MPRIP: variants seen among roughly 807,000 people sequenced by gnomAD.
MPRIP encodes myosin phosphatase Rho-interacting protein.
MPRIP carries 59 observed loss-of-function variants against 234.9 expected under a neutral mutation model. That is an observed-to-expected ratio of 0.25 (90% CI 0.20 to 0.31). MPRIP has a LOEUF of 0.31. MPRIP is among the 10% of genes least tolerant of loss of function. The pLI is 1.00. For missense variants in MPRIP, 2,436 were observed against 3,071.0 expected, an observed-to-expected ratio of 0.79 and a Z score of 4.89; for synonymous variants, 1,144 against 1,263.9, an observed-to-expected ratio of 0.91 and a Z score of 2.01.
intron 3 of MPRIP, among the ~76,000 whole-genome samples, chr17:17,114,195 A>G (rs1597827112): frequency 6.6e-6 from 1 of 152,274 alleles, no homozygotes; most frequent in East Asian, 1.9e-4. Context: ...TAATGACGTC[A>G]GGCACCTTTT....
chr17:17,102,346 C>G (rs2089979326), intron 3 of MPRIP, among the ~76,000 whole-genome samples: 1 of 152,228 alleles, frequency 6.6e-6, no homozygotes, highest in Non-Finnish European at 1.5e-5. Context: ...CTATGTTGTG[C>G]CAGGCATTGT....
rs1396745560 is a variant in MPRIP at position 17,062,978 on chromosome 17, C to G, written c.124-12732C>G. 2.0e-5 allele frequency among the ~76,000 whole-genome samples: 3 copies of G among 152,224 alleles called. No individual in the cohort carries two copies. In the East Asian group the frequency reaches 5.8e-4, roughly 29 times the overall value. ...TGGTGGCATAGTGCACACAGTGGCACAACTGGAGACTTGGACTCGAGAAAG... is the reference window on the plus strand; with the variant it reads ...TGGTGGCATAGTGCACACAGTGGCAGAACTGGAGACTTGGACTCGAGAAAG... On this transcript the variant is annotated intron_variant, in intron 1 of 23. Transcript: ENST00000651222.
chr17:17,173,482 A>T (rs1164998138), intron 18 of MPRIP, among the ~76,000 whole-genome samples: 1 of 152,238 alleles, frequency 6.6e-6, no homozygotes, highest in African/African-American at 2.4e-5. Flanking sequence ...GTTCACCTGC[A>T]GGAGGACGGC....
intron 3 of MPRIP, among the ~76,000 whole-genome samples, chr17:17,098,382 A>C (rs1401954626): frequency 6.6e-6 from 1 of 152,002 alleles, no homozygotes; most frequent in African/African-American, 2.4e-5. Context: ...AAATATCTGC[A>C]AGCCTCTTCC....
chr17:17,057,812 C>T, intron 1 of MPRIP: 1 of 675,948 alleles, frequency 1.5e-6, no homozygotes, highest in Non-Finnish European at 2.7e-6. Context: ...GGGATCTTCA[C>T]AGTTTGAAGA....
chr17:17,140,928 T>C (rs1485893504), intron 7 of MPRIP, among the ~76,000 whole-genome samples: 1 of 152,098 alleles, frequency 6.6e-6, no homozygotes, highest in African/African-American at 2.4e-5. Flanking sequence ...ACCAGTAAGG[T>C]GCTTGCTGTC....
rs554582202 is a variant in MPRIP at position 17,167,368 on chromosome 17, A to G, written c.5777A>G (p.Gln1926Arg). 200 of 1,304,224 alleles carry G rather than the reference A, an allele frequency of 1.5e-4. No homozygotes were observed. The Middle Eastern group carries it at 2.1e-3, about 14-fold the overall frequency. The allele number at this position is 1,304,224 out of a possible 1,614,324, so 80.8% of individuals were successfully genotyped here. A position where few individuals can be genotyped will look rare whatever the true frequency, so the allele number is the denominator to read the frequency against. ...LKAKAAQLDH[Q>R]QQCLEDAESK... ...GCCAAGGCCGCCCAGCTAGACCATC[A>G]GCAGCAGTGTCTGGAGGATGCAGAG... The change falls in exon 16 of 24, where the codon CAG becomes CGG. Residue 1926 changes from glutamine to arginine, a missense_variant. Transcript: ENST00000651222. This position sits in a 1 kb window ranked among gnomAD's most constrained non-coding sequence, Gnocchi z 5.9.
At chr17:17,125,876 G>A (rs528029721) in intron 3 of MPRIP, among the ~76,000 whole-genome samples, 51 of 152,336 alleles carry the variant, frequency 3.3e-4, no homozygotes, top group Middle Eastern at 3.4e-3. Flanking sequence ...GGTGGAGTCA[G>A]TGTGGAGTGT....
chr17:17,062,398 T>C (rs796722373), intron 1 of MPRIP, among the ~76,000 whole-genome samples: 6 of 152,336 alleles, frequency 3.9e-5, no homozygotes, highest in African/African-American at 1.4e-4. Context: ...CTGCTGCTGA[T>C]CTTGGCAGTC....
chr17:17,136,146 C>T, intron 5 of MPRIP, 73 bp from the exon 6 acceptor site: 1 of 1,559,190 alleles, frequency 6.4e-7, no homozygotes, highest in Non-Finnish European at 8.8e-7. Flanking sequence ...TATAGCTAGG[C>T]AGCCAGGACC....
intron 3 of MPRIP, among the ~76,000 whole-genome samples, chr17:17,115,284 C>T (rs187071379): frequency 1.3e-5 from 2 of 152,352 alleles, no homozygotes; most frequent in Admixed American, 6.5e-5. Flanking sequence ...GGTAGGGCCT[C>T]GGGATTTTGG....
chr17:17,067,789 CCTTTTTTT>C (rs2089081342), intron 1 of MPRIP, among the ~76,000 whole-genome samples: 1 of 88,068 alleles, frequency 1.1e-5, no homozygotes, highest in Non-Finnish European at 2.3e-5. Flanking sequence ...TCTTCTTCTT[CCTTTTTTT>C]TTTTTTTTTT....
chr17:17,067,174 G>A (rs547894877), intron 1 of MPRIP, among the ~76,000 whole-genome samples: 2 of 152,122 alleles, frequency 1.3e-5, no homozygotes, highest in Non-Finnish European at 2.9e-5. Flanking sequence ...CAATTTCAGC[G>A]ATAGAAGATT....
At position 17,192,427 on chromosome 17, in the gene MPRIP, TGGGGG is replaced by T. The variant is rs1555603013; in HGVS notation, c.*7544_*7548del. ...ACCAGCTGAGCTGCTGCTTTTTTTT[TGGGGG>T]GGGGGGGGGGAGGGGCGTCTTGAGG... is the stretch of plus-strand genomic sequence containing the variant. On this transcript the variant is annotated 3_prime_UTR_variant, in exon 24 of 24. Coordinates refer to ENST00000651222, the MANE Select transcript of MPRIP (RefSeq NM_001364716.4). The T allele has an allele frequency of 9.4e-3, 45 of 4,810 alleles. No individual in the cohort carries two copies. The highest frequency in any genetic ancestry group is 0.022 in the Non-Finnish European group (42 of 1,922). The allele number at this position is 4,810 out of a possible 1,614,324, so 0.3% of individuals were successfully genotyped here. A position where few individuals can be genotyped will look rare whatever the true frequency, so the allele number is the denominator to read the frequency against.
chr17:17,139,468 A>G (rs2090769239), intron 7 of MPRIP, among the ~76,000 whole-genome samples: 1 of 152,178 alleles, frequency 6.6e-6, no homozygotes, highest in African/African-American at 2.4e-5. Context: ...TAGGTTCCCA[A>G]GGTTCACTGT....
At chr17:17,073,240 C>T (rs556239014) in intron 1 of MPRIP, among the ~76,000 whole-genome samples, 26 of 152,220 alleles carry the variant, frequency 1.7e-4, no homozygotes, top group Admixed American at 1.1e-3. Flanking sequence ...TCTGTGTCTG[C>T]GCCGCCCGCC....
At chr17:17,132,440 A>G (rs1040664963) in intron 5 of MPRIP, among the ~76,000 whole-genome samples, 2 of 152,210 alleles carry the variant, frequency 1.3e-5, no homozygotes, top group African/African-American at 4.8e-5. Flanking sequence ...CAGTAAATGT[A>G]ATTCCTTTCC....
chr17:17,054,401 A>G (rs2088631769), intron 1 of MPRIP, among the ~76,000 whole-genome samples: 1 of 152,196 alleles, frequency 6.6e-6, no homozygotes, highest in Non-Finnish European at 1.5e-5. Context: ...AGTTACCTGT[A>G]TTCATTCATG....
At chr17:17,161,052 C>T (rs1319777606) in intron 14 of MPRIP, among the ~76,000 whole-genome samples, 188 bp from the exon 15 acceptor site, 1 of 152,190 alleles carries the variant, frequency 6.6e-6, no homozygotes, top group Non-Finnish European at 1.5e-5. Context: ...GCCATTGTTA[C>T]TGATGGCTTG....
Sources: allele counts gnomAD v4.1 joint callset (sites outside exome capture counted in the v4.1 genomes callset), GRCh38; gene constraint gnomAD v4.1.1; non-coding constraint Gnocchi (gnomAD v3.1); transcripts MANE v1.5; gene names NCBI Gene and HGNC (gene_info 2026-07-23, HGNC 2026-07-21).